The following MAF variants were observed in gnomAD, a reference collection of about 807,000 sequenced individuals.
The protein encoded by MAF is MAF bZIP transcription factor.
A neutral mutation model predicts 22.0 loss-of-function variants in MAF; 10 were observed. The ratio of observed to expected loss-of-function variants is 0.45; its 90% confidence interval spans 0.28 to 0.77. MAF has a LOEUF of 0.77. Ranked by LOEUF, MAF falls within the 30% of genes least tolerant of loss-of-function variation. The probability of loss-of-function intolerance (pLI) is 0.12; values close to 1 mark genes in which losing one functional copy is unlikely to be tolerated. For synonymous variants in MAF, 337 were observed against 255.8 expected, an observed-to-expected ratio of 1.32 and a Z score of -3.03; for missense variants, 544 against 548.4, an observed-to-expected ratio of 0.99 and a Z score of 0.08.
At chr16:79,460,259 G>A in the MAF span, among the ~76,000 whole-genome samples, 1 of 151,944 alleles carries the variant, frequency 6.6e-6, no homozygotes, top group Non-Finnish European at 1.5e-5. Flanking sequence ...TTCCGGATTG[G>A]GCATTATGCT....
the MAF span, among the ~76,000 whole-genome samples, chr16:79,466,185 A>G: frequency 1.3e-5 from 2 of 152,156 alleles, no homozygotes; most frequent in Non-Finnish European, 2.9e-5. Context: ...CCCTGAATCA[A>G]TGAGGCTCGG....
chr16:79,365,647 G>A, the MAF span, among the ~76,000 whole-genome samples: 2 of 152,250 alleles, frequency 1.3e-5, no homozygotes, highest in South Asian at 4.1e-4. Flanking sequence ...TCACTGGTAT[G>A]TATGTGGATT....
intron 1 of MAF, chr16:79,597,800 C>CT (rs34352423): frequency 0.38 from 331,360 of 877,498 alleles, 22,764 homozygotes; most frequent in South Asian, 0.45. Flanking sequence ...AGCATGCAGG[C>CT]TTTTTTTTTT....
chr16:79,284,943 C>T, the MAF span, among the ~76,000 whole-genome samples: 13 of 152,150 alleles, frequency 8.5e-5, no homozygotes, highest in African/African-American at 2.4e-4. Flanking sequence ...CGAAGGCACG[C>T]GGCTCTCTTT....
the MAF span, chr16:79,212,365 T>TAGAATA: frequency 1.8e-6 from 1 of 555,956 alleles, no homozygotes; most frequent in Non-Finnish European, 3.1e-6. Context: ...CCAGAGGGAG[T>TAGAATA]AGAATACGCA....
At chr16:79,407,824 C>T in the MAF span, among the ~76,000 whole-genome samples, 2 of 152,194 alleles carry the variant, frequency 1.3e-5, no homozygotes, top group African/African-American at 4.8e-5. Flanking sequence ...CTCGCGGCTT[C>T]GTTTCATGAA....
At chr16:79,532,357 T>C in the MAF span, among the ~76,000 whole-genome samples, 2 of 152,036 alleles carry the variant, frequency 1.3e-5, no homozygotes, top group Non-Finnish European at 1.5e-5. Flanking sequence ...AATAAGAGAG[T>C]TGGTTCTAGA....
the MAF span, among the ~76,000 whole-genome samples, chr16:79,524,632 G>T: frequency 1.3e-5 from 2 of 152,158 alleles, no homozygotes; most frequent in Non-Finnish European, 2.9e-5. Flanking sequence ...TTCTTATTTT[G>T]TTTTGTTTAG....
the MAF span, among the ~76,000 whole-genome samples, chr16:79,562,491 G>T: frequency 6.6e-6 from 1 of 152,166 alleles, no homozygotes; most frequent in Non-Finnish European, 1.5e-5. Context: ...AATACATTTT[G>T]TAGGCTTAAA....
At chr16:79,452,979 A>G in the MAF span, among the ~76,000 whole-genome samples, 1 of 152,186 alleles carries the variant, frequency 6.6e-6, no homozygotes, top group African/African-American at 2.4e-5. Flanking sequence ...GTGGAGGTTT[A>G]TCTGTTACTT....
At chr16:79,294,852 A>G in the MAF span, among the ~76,000 whole-genome samples, 1 of 152,178 alleles carries the variant, frequency 6.6e-6, no homozygotes, top group Non-Finnish European at 1.5e-5. Context: ...CATGGCATCA[A>G]CTCAGCTTAA....
chr16:79,439,897 G>A, the MAF span, among the ~76,000 whole-genome samples: 1 of 152,158 alleles, frequency 6.6e-6, no homozygotes, highest in Non-Finnish European at 1.5e-5. Context: ...ACATAACCCA[G>A]TGCATCAGGG....
the MAF span, among the ~76,000 whole-genome samples, chr16:79,322,114 C>T: frequency 6.6e-6 from 1 of 152,046 alleles, no homozygotes; most frequent in African/African-American, 2.4e-5. Context: ...TGCCTGTAAT[C>T]CCAGCTACTC....
At chr16:79,525,235 T>C in the MAF span, among the ~76,000 whole-genome samples, 64 of 152,266 alleles carry the variant, frequency 4.2e-4, no homozygotes, top group Middle Eastern at 3.4e-3. Flanking sequence ...TTAAAATAAA[T>C]AGCTATGCAC....
chr16:79,209,965 T>G, the MAF span, among the ~76,000 whole-genome samples: 1 of 152,196 alleles, frequency 6.6e-6, no homozygotes. Context: ...GGATAATATC[T>G]GGCTATTTGG....
the MAF span, among the ~76,000 whole-genome samples, chr16:79,257,423 T>C: frequency 1.1e-4 from 17 of 152,314 alleles, no homozygotes; most frequent in Non-Finnish European, 8.8e-5. Flanking sequence ...CTTTGCTCTG[T>C]TCTTCCAGAA....
chr16:79,556,932 T>G, the MAF span, among the ~76,000 whole-genome samples: 1 of 152,086 alleles, frequency 6.6e-6, no homozygotes, highest in Non-Finnish European at 1.5e-5. Context: ...GCTGATTATT[T>G]CTGTTACGAG....
At chr16:79,424,849 A>C in the MAF span, among the ~76,000 whole-genome samples, 1 of 152,210 alleles carries the variant, frequency 6.6e-6, no homozygotes, top group African/African-American at 2.4e-5. Flanking sequence ...GCAAAATATA[A>C]TATGCTCCTA....
the MAF span, among the ~76,000 whole-genome samples, chr16:79,390,355 C>T: frequency 1.3e-5 from 2 of 152,148 alleles, no homozygotes; most frequent in Non-Finnish European, 2.9e-5. Flanking sequence ...GGTCAAATCA[C>T]TCCTGCCAAA....
Sources: gnomAD v4.1 joint callset for allele counts (sites outside exome capture counted in the v4.1 genomes callset) on GRCh38, gnomAD v4.1.1 for gene constraint, MANE v1.5 for transcripts, NCBI Gene and HGNC (gene_info 2026-07-23, HGNC 2026-07-21) for gene names.